Variants in SLC16A7 observed in about 807,000 individuals in gnomAD.
The protein encoded by SLC16A7 is solute carrier family 16 member 7, also known as monocarboxylate transporter 2.
In SLC16A7, 33 loss-of-function variants were observed where a neutral mutation model predicts 34.9. That is an observed-to-expected ratio of 0.94 (90% CI 0.72 to 1.26). SLC16A7 has a LOEUF of 1.26. Ranked by LOEUF, SLC16A7 falls within the 50% of genes most tolerant of loss-of-function variation. The pLI, the probability that SLC16A7 is intolerant of heterozygous loss-of-function variation, is 0.00. For missense variants in SLC16A7, 573 were observed against 578.1 expected, an observed-to-expected ratio of 0.99 and a Z score of 0.09; for synonymous variants, 201 against 206.6, an observed-to-expected ratio of 0.97 and a Z score of 0.23.
intron 1 of SLC16A7, among the ~76,000 whole-genome samples, chr12:59,608,539 G>A (rs947418018): frequency 1.3e-5 from 2 of 152,124 alleles, no homozygotes; most frequent in Non-Finnish European, 2.9e-5. Flanking sequence ...CCTGTAGGCC[G>A]CATTAGCATC....
At chr12:59,644,862 ACT>A (rs1880840183) in intron 1 of SLC16A7, among the ~76,000 whole-genome samples, 1 of 152,008 alleles carries the variant, frequency 6.6e-6, no homozygotes, top group South Asian at 2.1e-4. Flanking sequence ...GAGGTTTAAG[ACT>A]CTTATTTGTT....
chr12:59,768,890 C>G (rs961762198), intron 3 of SLC16A7, among the ~76,000 whole-genome samples: 1 of 151,894 alleles, frequency 6.6e-6, no homozygotes, highest in African/African-American at 2.4e-5. Context: ...GTCCCAGCTA[C>G]TAGGGAGACT....
rs150406827 is a variant in SLC16A7, at chr12:59,701,263, A to T, written c.-30-3509A>T. Among the ~76,000 whole-genome samples the T allele has an allele frequency of 1.4e-3, 214 of 151,826 alleles. 1 individual carries two copies. The highest frequency in any genetic ancestry group is 6.8e-3 in the Middle Eastern group (2 of 294). ...CCTTGTAAACTAAATATAGTTATTA[A>T]CCTGTTTTTACAGATGAAACCACAG... is the stretch of plus-strand genomic sequence containing the variant. On this transcript the variant is annotated intron_variant, in intron 2 of 5. Coordinates refer to ENST00000547379, the MANE Select transcript of SLC16A7 (RefSeq NM_001270623.2).
intron 1 of SLC16A7, among the ~76,000 whole-genome samples, chr12:59,634,097 G>A (rs1233997094): frequency 1.3e-5 from 2 of 152,020 alleles, no homozygotes; most frequent in African/African-American, 2.4e-5. Context: ...CTTGTCCGTA[G>A]TCACATGGTT....
intron 2 of SLC16A7, among the ~76,000 whole-genome samples, chr12:59,658,874 G>T (rs1868674717): frequency 6.6e-6 from 1 of 152,018 alleles, no homozygotes; most frequent in African/African-American, 2.4e-5. Flanking sequence ...CAGAAATAAT[G>T]AATTGAGAGT....
chr12:59,676,075 AGT>A (rs1317681647), intron 2 of SLC16A7, among the ~76,000 whole-genome samples: 1 of 152,160 alleles, frequency 6.6e-6, no homozygotes, highest in Non-Finnish European at 1.5e-5. Context: ...TGTGTTCCCA[AGT>A]GTCTCTTGGG....
chr12:59,722,136 A>G (rs902732119), intron 3 of SLC16A7, among the ~76,000 whole-genome samples: 2 of 151,956 alleles, frequency 1.3e-5, no homozygotes, highest in African/African-American at 4.8e-5. Flanking sequence ...CTTAACAGGC[A>G]TCTCTGACTT....
intron 2 of SLC16A7, among the ~76,000 whole-genome samples, chr12:59,683,080 G>A (rs571952147): frequency 8.2e-4 from 125 of 151,826 alleles, no homozygotes; most frequent in African/African-American, 2.8e-3. Context: ...AAAAAAAATT[G>A]CATATTGACA....
intron 3 of SLC16A7, among the ~76,000 whole-genome samples, chr12:59,742,588 T>C (rs990862862): frequency 5.9e-5 from 9 of 152,288 alleles, no homozygotes; most frequent in Admixed American, 3.9e-4. Flanking sequence ...AGGAAAAATA[T>C]CCTAATGAAA....
chr12:59,676,078 G>A (rs1387299370), intron 2 of SLC16A7, among the ~76,000 whole-genome samples: 1 of 152,134 alleles, frequency 6.6e-6, no homozygotes, highest in South Asian at 2.1e-4. Context: ...GTTCCCAAGT[G>A]TCTCTTGGGT....
intron 2 of SLC16A7, among the ~76,000 whole-genome samples, chr12:59,686,116 T>G (rs573535929): frequency 8.0e-6 from 1 of 124,658 alleles, no homozygotes; most frequent in Middle Eastern, 3.5e-3. Context: ...TTTTTTTTTT[T>G]GCAGGGGAGG....
At chr12:59,672,173 T>TGTATATATGCATATATACGTATATATAC (rs1565641484) in intron 2 of SLC16A7, among the ~76,000 whole-genome samples, 2 of 121,364 alleles carry the variant, frequency 1.6e-5, no homozygotes, top group Non-Finnish European at 3.5e-5. Flanking sequence ...TATATATATG[T>TGTATATATGCATATATACGTATATATAC]GTATATATGC....
rs753656308 is a variant in SLC16A7, at chr12:59,761,103, C to T, written c.218-10116C>T. ...TGATATTTAATTGAAGAAGTTACTG[C>T]AAAATGTACTTGTGTTTACAGGTAG... is the stretch of plus-strand genomic sequence containing the variant. On this transcript the variant is annotated intron_variant, in intron 3 of 5. Coordinates refer to ENST00000547379, the MANE Select transcript of SLC16A7 (RefSeq NM_001270623.2). 3.4e-6 allele frequency: 4 copies of T among 1,187,156 alleles called. No individual in the cohort carries two copies. In the Admixed American group the frequency reaches 7.2e-5, roughly 21 times the overall value. 73.5% of individuals were successfully genotyped at this position (1,187,156 alleles called of 1,614,324 possible).
intron 3 of SLC16A7, 68 bp downstream of exon 3, chr12:59,705,086 A>G (rs897967932): frequency 2.7e-6 from 3 of 1,097,590 alleles, no homozygotes; most frequent in African/African-American, 1.5e-5. Context: ...AATGTTTTAC[A>G]TGGAGTGTCT....
At chr12:59,710,802 A>G (rs1874139101) in intron 3 of SLC16A7, among the ~76,000 whole-genome samples, 1 of 152,206 alleles carries the variant, frequency 6.6e-6, no homozygotes, top group African/African-American at 2.4e-5. Flanking sequence ...GAAACCTGAT[A>G]CAGATACCCT....
intron 3 of SLC16A7, among the ~76,000 whole-genome samples, chr12:59,731,404 T>A (rs968396006): frequency 5.9e-5 from 9 of 152,118 alleles, no homozygotes; most frequent in African/African-American, 2.2e-4. Flanking sequence ...TACAAAAAGG[T>A]TAAATGGTGA....
At chr12:59,730,204 A>G (rs537901029) in intron 3 of SLC16A7, among the ~76,000 whole-genome samples, 4 of 97,158 alleles carry the variant, frequency 4.1e-5, no homozygotes, top group African/African-American at 2.1e-4. Context: ...AGGATTCCCA[A>G]TACAAAAGAA....
chr12:59,755,006 A>C (rs1005901339), intron 3 of SLC16A7, among the ~76,000 whole-genome samples: 9 of 152,256 alleles, frequency 5.9e-5, no homozygotes, highest in African/African-American at 9.6e-5. Context: ...AAGACAAAAA[A>C]CACATGATTA....
intron 3 of SLC16A7, among the ~76,000 whole-genome samples, chr12:59,757,999 A>G (rs538387126): frequency 6.6e-6 from 1 of 152,232 alleles, no homozygotes; most frequent in East Asian, 1.9e-4. Flanking sequence ...TTTAGCTATT[A>G]GTTATTTTTT....
Sources: gnomAD v4.1 joint callset for allele counts (sites outside exome capture counted in the v4.1 genomes callset) on GRCh38, gnomAD v4.1.1 for gene constraint, MANE v1.5 for transcripts, NCBI Gene and HGNC (gene_info 2026-07-23, HGNC 2026-07-21) for gene names.